The following WIPF2 variants were observed in gnomAD, a reference collection of about 807,000 sequenced individuals.
WIPF2 encodes WAS/WASL interacting protein family member 2, also known as WAS/WASL-interacting protein family member 2.
WIPF2 carries 23 observed loss-of-function variants against 38.8 expected under a neutral mutation model. That is an observed-to-expected ratio of 0.59 (90% CI 0.43 to 0.84). The LOEUF (loss-of-function observed/expected upper bound fraction) is 0.84, where lower values mean the gene tolerates loss of function less well. WIPF2 is among the 40% of genes least tolerant of loss of function. WIPF2 has a pLI of 0.00. For missense variants in WIPF2, 574 were observed against 580.5 expected (o/e 0.99, Z 0.11); for synonymous variants, 210 against 223.2 (o/e 0.94, Z 0.53).
Position 40,251,071 on chromosome 17 carries a change from G to A in WIPF2, c.-69-5320G>A, listed in dbSNP as rs2031547800. ...TGGGACTACAGGCGCCCGCCACCAC[G>A]CCCAGCTAATTTTTTATGTTTCTTA... On this transcript the variant is annotated intron_variant, in intron 1 of 7. Coordinates refer to ENST00000323571, the MANE Select transcript of WIPF2 (RefSeq NM_133264.5). 8.6e-5 allele frequency among the ~76,000 whole-genome samples: 13 copies of A among 151,884 alleles called. No homozygotes were observed. The South Asian group carries it at 2.5e-3, about 29-fold the overall frequency.
chr17:40,231,170 G>C (rs1410789204), intron 1 of WIPF2, among the ~76,000 whole-genome samples: 1 of 152,132 alleles, frequency 6.6e-6, no homozygotes, highest in Non-Finnish European at 1.5e-5. Flanking sequence ...CTGTGTTTCT[G>C]ATGGCTTAAG....
intron 1 of WIPF2, among the ~76,000 whole-genome samples, chr17:40,245,285 C>G (rs2031326411): frequency 6.6e-6 from 1 of 152,030 alleles, no homozygotes; most frequent in Admixed American, 6.6e-5. Context: ...GCTTGTCTTG[C>G]TCATCTTCTA....
intron 4 of WIPF2, among the ~76,000 whole-genome samples, 164 bp from the exon 5 acceptor site, chr17:40,264,326 C>CAAAAAAA (rs772320240): frequency 9.2e-4 from 22 of 23,942 alleles, no homozygotes; most frequent in African/African-American, 1.4e-3. Flanking sequence ...AACTTCGTCT[C>CAAAAAAA]AAAAAAAAAA....
At chr17:40,252,166 T>G (rs2031579928) in intron 1 of WIPF2, among the ~76,000 whole-genome samples, 1 of 152,180 alleles carries the variant, frequency 6.6e-6, no homozygotes, top group Non-Finnish European at 1.5e-5. Context: ...TAAAAAAAAT[T>G]GCTATGCTAG....
chr17:40,227,519 G>A (rs1169555655), intron 1 of WIPF2, among the ~76,000 whole-genome samples: 1 of 152,004 alleles, frequency 6.6e-6, no homozygotes, highest in Non-Finnish European at 1.5e-5. Flanking sequence ...TATCAATCCA[G>A]TTCATCTTCC....
At chr17:40,231,267 A>T (rs1236293933) in intron 1 of WIPF2, among the ~76,000 whole-genome samples, 1 of 152,106 alleles carries the variant, frequency 6.6e-6, no homozygotes, top group African/African-American at 2.4e-5. Context: ...GGGACTTAAT[A>T]TATTATCTTT....
At chr17:40,264,350 A>AG (rs1567721848) in intron 4 of WIPF2, 140 bp from the exon 5 acceptor site, 87 of 671,962 alleles carry the variant, frequency 1.3e-4, no homozygotes, top group Non-Finnish European at 1.6e-4. Flanking sequence ...AAAAAAAAAA[A>AG]AAAGAAAAAC....
Position 40,282,112 on chromosome 17 carries a change from A to C in WIPF2, c.*3887A>C, listed in dbSNP as rs997364454. On this transcript the variant is annotated 3_prime_UTR_variant, in exon 8 of 8. Transcript: ENST00000323571. ...TACAACCACCATCAAAACCACACGCAAAAAAAAAAAAAAAAAAAAAAAGGA... is the reference window on the plus strand; with the variant it reads ...TACAACCACCATCAAAACCACACGCCAAAAAAAAAAAAAAAAAAAAAAGGA... The C allele has an allele frequency of 1.2e-5, 1 of 80,008 alleles. No individual in the cohort carries two copies. Among genetic ancestry groups the C allele is most frequent in the East Asian group, 4.9e-4 (1 of 2,050 alleles). 5.0% of individuals were successfully genotyped at this position (80,008 alleles called of 1,614,324 possible). A position where few individuals can be genotyped will look rare whatever the true frequency, so the allele number is the denominator to read the frequency against.
intron 4 of WIPF2, 131 bp from the exon 5 acceptor site, chr17:40,264,359 A>G: frequency 1.4e-6 from 1 of 711,650 alleles, no homozygotes; most frequent in Non-Finnish European, 2.3e-6. Context: ...AAAAAGAAAA[A>G]CAAAAAACCC....
rs1249156993 is a variant in WIPF2 at position 40,281,236 on chromosome 17, G to A, written c.*3011G>A. 6.6e-6 allele frequency: 1 copy of A among 152,174 alleles called. No homozygotes were observed. Among genetic ancestry groups the A allele is most frequent in the African/African-American group, 2.4e-5 (1 of 41,438 alleles). 9.4% of individuals were successfully genotyped at this position (152,174 alleles called of 1,614,324 possible). A position where few individuals can be genotyped will look rare whatever the true frequency, so the allele number is the denominator to read the frequency against. On this transcript the variant is annotated 3_prime_UTR_variant, in exon 8 of 8. Coordinates refer to ENST00000323571, the MANE Select transcript of WIPF2 (RefSeq NM_133264.5). ...TTGCCCAGCTAAGCATCAGGAAGCT[G>A]TGTTAAAAGCCCTTCTATGGGTTTG...
rs917782779 is a variant in WIPF2 at position 40,280,098 on chromosome 17, C to T, written c.*1873C>T. 2 of 152,142 alleles carry T rather than the reference C, an allele frequency of 1.3e-5. No individual in the cohort carries two copies. The highest frequency in any genetic ancestry group is 2.4e-5 in the African/African-American group (1 of 41,406). 9.4% of individuals were successfully genotyped at this position (152,142 alleles called of 1,614,324 possible). A position where few individuals can be genotyped will look rare whatever the true frequency, so the allele number is the denominator to read the frequency against. On this transcript the variant is annotated 3_prime_UTR_variant, in exon 8 of 8. Coordinates refer to ENST00000323571, the MANE Select transcript of WIPF2 (RefSeq NM_133264.5). ...TGATTAGGTCTGTCACCAAACTTTTCCTAATCATTTTTTATGTATCATTCT... is the reference window on the plus strand; with the variant it reads ...TGATTAGGTCTGTCACCAAACTTTTTCTAATCATTTTTTATGTATCATTCT...
chr17:40,262,714 G>A (rs1211617737), intron 4 of WIPF2, 73 bp downstream of exon 4: 4 of 1,251,044 alleles, frequency 3.2e-6, no homozygotes, highest in South Asian at 2.4e-5. Flanking sequence ...GGCCATCTCA[G>A]GTTGAGGAGT....
intron 1 of WIPF2, among the ~76,000 whole-genome samples, chr17:40,243,594 A>G (rs1217901121): frequency 6.6e-6 from 1 of 151,564 alleles, no homozygotes; most frequent in Admixed American, 6.6e-5. Context: ...GCTCACTGCA[A>G]CCTCTGCCTA....
Position 40,262,515 on chromosome 17 carries a change from T to G in WIPF2, c.197-10T>G. The G allele has an allele frequency of 1.2e-6, 2 of 1,611,720 alleles. No individual in the cohort carries two copies. The highest frequency in any genetic ancestry group is 1.7e-6 in the Non-Finnish European group (2 of 1,178,034). On this transcript the variant is annotated splice_polypyrimidine_tract_variant and intron_variant, in intron 3 of 7. Transcript: ENST00000323571. The stretch of plus-strand genomic sequence containing the variant: ...ATGTGAAATGAAAACCCTACTGGTA[T>G]GCTTTCCAGAGCCGAAAGGAAGCAG...
chr17:40,264,397 C>A, intron 4 of WIPF2, 93 bp from the exon 5 acceptor site: 2 of 960,042 alleles, frequency 2.1e-6, no homozygotes, highest in Non-Finnish European at 1.7e-6. Flanking sequence ...TTCCCTGCTG[C>A]CATGCAGGTT....
chr17:40,255,800 G>A (rs1054457038), intron 1 of WIPF2, among the ~76,000 whole-genome samples: 6 of 151,350 alleles, frequency 4.0e-5, no homozygotes, highest in African/African-American at 1.5e-4. Flanking sequence ...CTACTTTTTT[G>A]TATTTTTAGT....
chr17:40,262,398 A>T (rs2031941841), intron 3 of WIPF2, 127 bp from the exon 4 acceptor site: 2 of 696,956 alleles, frequency 2.9e-6, no homozygotes, highest in Admixed American at 2.8e-5. Context: ...TTTTAAATAG[A>T]AGGGCAAAAA....
intron 1 of WIPF2, among the ~76,000 whole-genome samples, chr17:40,241,795 A>G (rs547336626): frequency 1.3e-5 from 2 of 152,306 alleles, no homozygotes; most frequent in South Asian, 2.1e-4. Context: ...AAAGGACACA[A>G]TTCTCCCTTT....
At position 40,280,101 on chromosome 17, in the gene WIPF2, A is replaced by T. The variant is rs949189187; in HGVS notation, c.*1876A>T. The T allele has an allele frequency of 6.6e-6, 1 of 152,024 alleles. No individual in the cohort carries two copies. The highest frequency in any genetic ancestry group is 2.4e-5 in the African/African-American group (1 of 41,376). The allele number at this position is 152,024 out of a possible 1,614,324, so 9.4% of individuals were successfully genotyped here. On this transcript the variant is annotated 3_prime_UTR_variant, in exon 8 of 8. Transcript: ENST00000323571. ...TTAGGTCTGTCACCAAACTTTTCCT[A>T]ATCATTTTTTATGTATCATTCTTCT...
Sources: gnomAD v4.1 joint callset for allele counts (sites outside exome capture counted in the v4.1 genomes callset) on GRCh38, gnomAD v4.1.1 for gene constraint, MANE v1.5 for transcripts, NCBI Gene and HGNC (gene_info 2026-07-23, HGNC 2026-07-21) for gene names.